The following SETD2 variants were observed in gnomAD, a reference collection of about 807,000 sequenced individuals.
SETD2 encodes the protein histone-lysine N-methyltransferase SETD2.
Under a neutral mutation model 242.1 loss-of-function variants are expected in SETD2, and 31 were observed. The observed-to-expected ratio is 0.13, with a 90% CI of 0.10 to 0.17. The LOEUF is 0.17. Among genes scored for constraint, SETD2 ranks in the 10% least tolerant of loss-of-function variants. The pLI, the probability that SETD2 is intolerant of heterozygous loss-of-function variation, is 1.00. For missense variants in SETD2, 2,481 were observed against 3,046.3 expected (o/e 0.81, Z 4.37); for synonymous variants, 1,006 against 1,066.5 (o/e 0.94, Z 1.11).
chr3:47,094,935 T>G (rs2107666811), intron 9 of SETD2, among the ~76,000 whole-genome samples: 1 of 152,316 alleles, frequency 6.6e-6, no homozygotes, highest in East Asian at 1.9e-4. Context: ...AACCAACCAA[T>G]GACAGAAATA....
intron 15 of SETD2, among the ~76,000 whole-genome samples, chr3:47,048,591 C>T (rs2039640921): frequency 6.6e-6 from 1 of 152,064 alleles, no homozygotes; most frequent in Non-Finnish European, 1.5e-5. Context: ...CTGTAACTTA[C>T]TATAACTTTT....
intron 17 of SETD2, among the ~76,000 whole-genome samples, chr3:47,041,811 G>T (rs1234022161): frequency 6.6e-6 from 1 of 152,030 alleles, no homozygotes; most frequent in African/African-American, 2.4e-5. Flanking sequence ...TCTACAGTAA[G>T]CATAAATAAT....
At chr3:47,103,548 A>G in intron 6 of SETD2, 125 bp from the exon 7 acceptor site, 1 of 702,476 alleles carries the variant, frequency 1.4e-6, no homozygotes, top group Admixed American at 2.4e-5. Flanking sequence ...AAACCTAACC[A>G]GTTAAGGTAG....
At chr3:47,110,557 G>A (rs2042609702) in intron 5 of SETD2, among the ~76,000 whole-genome samples, 2 of 151,926 alleles carry the variant, frequency 1.3e-5, no homozygotes, top group South Asian at 4.2e-4. Flanking sequence ...TTTTTGGTGG[G>A]GTCTGCCATG....
At chr3:47,156,805 T>C (rs768559650) in intron 1 of SETD2, among the ~76,000 whole-genome samples, 1 of 152,206 alleles carries the variant, frequency 6.6e-6, no homozygotes, top group Non-Finnish European at 1.5e-5. Context: ...TTTCTCTCAG[T>C]TGGCTTCCTA....
intron 15 of SETD2, among the ~76,000 whole-genome samples, chr3:47,054,658 C>T (rs1183896564): frequency 1.3e-5 from 2 of 152,006 alleles, no homozygotes; most frequent in African/African-American, 4.8e-5. Context: ...ACCTGATGAC[C>T]AATAATGCCC....
rs1226560181 is a variant in SETD2, at chr3:47,122,222, C to T, written c.2414G>A (p.Cys805Tyr). Residue 805 changes from cysteine (C) to tyrosine (Y), a missense_variant, in exon 3 of 21, where the codon TGT (cysteine) becomes TAT (tyrosine). Transcript: ENST00000409792. Reference protein sequence around the residue: ...CTLNDSNPSLCNSEAENIEPS... With the variant: ...CTLNDSNPSLYNSEAENIEPS... Reference sequence around the variant, plus strand: ...CTCAATATTTTCAGCTTCAGAGTTACACAAAGAAGGGTTGCTATCGTTCAA... The same window carrying T: ...CTCAATATTTTCAGCTTCAGAGTTATACAAAGAAGGGTTGCTATCGTTCAA... 5.6e-6 allele frequency: 9 copies of T among 1,613,982 alleles called. No homozygotes were observed. Among genetic ancestry groups the T allele is most frequent in the African/African-American group, 1.3e-5 (1 of 74,932 alleles).
rs113186586 is a variant in SETD2 at position 47,023,827 on chromosome 3, G to A, written c.7351-3987C>T. On this transcript the variant is annotated intron_variant, in intron 18 of 20. Coordinates refer to ENST00000409792, the MANE Select transcript of SETD2 (RefSeq NM_014159.7). Reference sequence around the variant, plus strand: ...TGCGTAGGTGACATACAAACACTACGCCCTTGTATATAAGGGACTTGAGCA... The same window carrying A: ...TGCGTAGGTGACATACAAACACTACACCCTTGTATATAAGGGACTTGAGCA... 1.8e-3 allele frequency among the ~76,000 whole-genome samples: 280 copies of A among 152,202 alleles called. 1 individual carries two copies. Among genetic ancestry groups the A allele is most frequent in the Non-Finnish European group, 2.9e-3 (194 of 67,994 alleles).
chr3:47,082,919 A>C (rs1478707663), intron 12 of SETD2, among the ~76,000 whole-genome samples: 1 of 152,182 alleles, frequency 6.6e-6, no homozygotes, highest in Non-Finnish European at 1.5e-5. Context: ...TGGTTGCTTC[A>C]TCTCCGGCAG....
chr3:47,083,866 C>T lies in SETD2; in HGVS notation c.5914G>A (p.Glu1972Lys), dbSNP rs2041422903. The T allele has an allele frequency of 6.2e-7, 1 of 1,614,140 alleles. No individual in the cohort carries two copies. Among genetic ancestry groups the T allele is most frequent in the Admixed American group, 1.7e-5 (1 of 60,012 alleles). ...PKESNGTKLE[E>K]PINEETPSQD... ...GATGGTGTTTCTTCATTAATAGGTTCTTCTAGTTTTGTGCCGTTGCTCTCT... is the reference window on the plus strand; with the variant it reads ...GATGGTGTTTCTTCATTAATAGGTTTTTCTAGTTTTGTGCCGTTGCTCTCT... Residue 1972 changes from glutamate (E) to lysine (K), a missense_variant, in exon 12 of 21, where the codon GAA becomes AAA. This residue lies in a region of SETD2 where 203 missense variants were observed against 222.4 expected (regional missense o/e 0.91). Coordinates refer to ENST00000409792, the MANE Select transcript of SETD2 (RefSeq NM_014159.7).
At chr3:47,163,184 C>A (rs1697550960) in intron 1 of SETD2, among the ~76,000 whole-genome samples, 1 of 152,242 alleles carries the variant, frequency 6.6e-6, no homozygotes, top group African/African-American at 2.4e-5. Context: ...ACAACGGGAC[C>A]ACACAAACCT....
rs142567777 is a variant in SETD2, at chr3:47,155,221, T to G, written c.71+8633A>C. ...CAAAATGTATAAATTACATATCAGG[T>G]AATAGTAGGGTTACAAATGTTAAAA... is the stretch of plus-strand genomic sequence containing the variant. On this transcript the variant is annotated intron_variant, in intron 1 of 20. Coordinates refer to ENST00000409792, the MANE Select transcript of SETD2 (RefSeq NM_014159.7). Among the ~76,000 whole-genome samples the G allele has an allele frequency of 3.2e-3, 494 of 152,102 alleles. 3 individuals are homozygous for G. The highest frequency in any genetic ancestry group is 0.011 in the African/African-American group (462 of 41,488).
At position 47,123,476 on chromosome 3, in the gene SETD2, G is replaced by A. The variant is rs1328098829; in HGVS notation, c.1160C>T (p.Thr387Ile). Reference sequence around the variant, plus strand: ...TCTACATCGGGAAGATACATACCGAGTATCTCTTTCAAGTTTTGAATAGCT... The same window carrying A: ...TCTACATCGGGAAGATACATACCGAATATCTCTTTCAAGTTTTGAATAGCT... ...YFSYSKLERD[T>I]RYVSSRCRSE... is the part of the protein sequence containing the mutation. The change falls in exon 3 of 21, where the codon ACT becomes ATT. Residue 387 changes from threonine (T) to isoleucine (I), a missense_variant. Physicochemically the swap from Thr to Ile is moderately conservative, Grantham distance 89. Transcript: ENST00000409792. 3.2e-5 allele frequency: 49 copies of A among 1,551,230 alleles called. No individual in the cohort carries two copies. The highest frequency in any genetic ancestry group is 3.9e-5 in the Non-Finnish European group (45 of 1,146,824).
intron 12 of SETD2, among the ~76,000 whole-genome samples, chr3:47,072,196 T>G (rs891151061): frequency 6.6e-6 from 1 of 151,974 alleles, no homozygotes; most frequent in African/African-American, 2.4e-5. Context: ...TAGTCCCAGC[T>G]ACTGGGGAGG....
At chr3:47,162,879 C>T (rs139559185) in intron 1 of SETD2, among the ~76,000 whole-genome samples, 1 of 152,304 alleles carries the variant, frequency 6.6e-6, no homozygotes. Context: ...GCAGATACAG[C>T]AGCAGATTCA....
At chr3:47,158,192 A>G (rs1194378629) in intron 1 of SETD2, among the ~76,000 whole-genome samples, 1 of 152,202 alleles carries the variant, frequency 6.6e-6, no homozygotes. Flanking sequence ...AAGGAAGACA[A>G]TTATATTGAG....
rs59089794 is a variant in SETD2 at position 47,101,633 on chromosome 3, T to TGC, written c.4918-80_4918-79dup. 0.012 allele frequency: 8,347 copies of TGC among 669,896 alleles called. 226 individuals are homozygous for TGC. The highest frequency in any genetic ancestry group is 0.091 in the African/African-American group (4,936 of 54,126). The allele number at this position is 669,896 out of a possible 1,614,324, so 41.5% of individuals were successfully genotyped here. ...GTGTGTGTGTGTGTGTGTGTGTGTG[T>TGC]GCGCATATATAAAGATCATCATCAT... On this transcript the variant is annotated intron_variant, in intron 7 of 20. Coordinates refer to ENST00000409792, the MANE Select transcript of SETD2 (RefSeq NM_014159.7).
intron 1 of SETD2, among the ~76,000 whole-genome samples, chr3:47,136,380 C>A (rs2043589608): frequency 6.6e-6 from 1 of 152,076 alleles, no homozygotes; most frequent in Admixed American, 6.6e-5. Flanking sequence ...CTGCTTGTTC[C>A]TTCTTGGAAT....
chr3:47,056,105 TA>T (rs1490819046), intron 15 of SETD2, among the ~76,000 whole-genome samples: 1 of 102,198 alleles, frequency 9.8e-6, no homozygotes, highest in Non-Finnish European at 2.6e-5. Context: ...TTTATTTATT[TA>T]TTTATTTATT....
Sources: gnomAD v4.1 joint callset for allele counts (sites outside exome capture counted in the v4.1 genomes callset) on GRCh38, gnomAD v4.1.1 for gene constraint, gnomAD v4.1.1 regional missense constraint, MANE v1.5 for transcripts, NCBI Gene and HGNC (gene_info 2026-07-23, HGNC 2026-07-21) for gene names.